WDR17: variants seen among roughly 807,000 people sequenced by gnomAD.
WDR17 encodes the protein WD repeat domain 17, also known as WD repeat-containing protein 17.
WDR17 carries 143 observed loss-of-function variants against 161.7 expected under a neutral mutation model. That is an observed-to-expected ratio of 0.88 (90% CI 0.77 to 1.02). WDR17 has a LOEUF of 1.02. Among genes scored for constraint, WDR17 ranks in the 50% least tolerant of loss-of-function variants. The probability of loss-of-function intolerance (pLI) is 0.00; values close to 1 mark genes in which losing one functional copy is unlikely to be tolerated. For missense variants in WDR17, 1,469 were observed against 1,520.9 expected, an observed-to-expected ratio of 0.97 and a Z score of 0.57; for synonymous variants, 517 against 515.6, an observed-to-expected ratio of 1.00 and a Z score of -0.04.
At chr4:176,169,129 A>T (rs566388653) in intron 23 of WDR17, among the ~76,000 whole-genome samples, 3 of 152,340 alleles carry the variant, frequency 2.0e-5, no homozygotes, top group African/African-American at 7.2e-5. Flanking sequence ...TCCAAATCCC[A>T]AGTGTTTTCC....
At chr4:176,116,882 A>C (rs1740730133) in intron 3 of WDR17, among the ~76,000 whole-genome samples, 1 of 151,924 alleles carries the variant, frequency 6.6e-6, no homozygotes, top group East Asian at 1.9e-4. Context: ...TTTCAAATTT[A>C]GGTCATTAAG....
rs1247434702 is a variant in WDR17, at chr4:176,181,071, CCTT to C, written c.*1496_*1498del. On this transcript the variant is annotated 3_prime_UTR_variant, in exon 29 of 29. Transcript: ENST00000508596. ...TGTTGCATTTAAAATATTTTTAAAA[CCTT>C]CTTAACAAAACTTCTTAAAACTGGA... The C allele has an allele frequency of 6.6e-6, 1 of 151,940 alleles. No individual in the cohort carries two copies. Among genetic ancestry groups the C allele is most frequent in the Non-Finnish European group, 1.5e-5 (1 of 67,992 alleles). 9.4% of individuals were successfully genotyped at this position (151,940 alleles called of 1,614,324 possible).
chr4:176,135,381 G>C, intron 8 of WDR17, 105 bp downstream of exon 8: 1 of 1,305,562 alleles, frequency 7.7e-7, no homozygotes, highest in Non-Finnish European at 1.1e-6. Context: ...TGTTCTAAAT[G>C]AATGTAGAGC....
At chr4:176,168,155 G>T (rs1457219160) in intron 22 of WDR17, among the ~76,000 whole-genome samples, 2 of 147,060 alleles carry the variant, frequency 1.4e-5, no homozygotes, top group Non-Finnish European at 3.0e-5. Context: ...TGCCTCAAAA[G>T]AAAAAAAAAG....
intron 24 of WDR17, among the ~76,000 whole-genome samples, chr4:176,172,950 T>C (rs1750948660): frequency 2.0e-5 from 3 of 152,044 alleles, no homozygotes; most frequent in African/African-American, 7.2e-5. Context: ...ACCTCCCTAC[T>C]CCAACATTGG....
chr4:176,136,877 A>G (rs1744502290), intron 8 of WDR17, among the ~76,000 whole-genome samples: 1 of 151,560 alleles, frequency 6.6e-6, no homozygotes, highest in Non-Finnish European at 1.5e-5. Context: ...CCTAGATAGC[A>G]GATGACAGCT....
At position 176,066,089 on chromosome 4, in the gene WDR17, CG is replaced by C. The variant is rs552596620; in HGVS notation, c.-7+12del. 406 of 152,490 alleles carry C rather than the reference CG, an allele frequency of 2.7e-3. No homozygotes were observed. The highest frequency in any genetic ancestry group is 4.9e-3 in the Non-Finnish European group (335 of 68,204). 9.4% of individuals were successfully genotyped at this position (152,490 alleles called of 1,614,324 possible). On this transcript the variant is annotated intron_variant, in intron 1 of 28. Transcript: ENST00000508596. ...CCGCCTCCTCCTCCAGGTAAGAAGC[CG>C]GTGGGGCCGCAGAGATACCAAGGCA...
At chr4:176,075,068 C>T (rs1223357605) in intron 1 of WDR17, among the ~76,000 whole-genome samples, 20 of 151,554 alleles carry the variant, frequency 1.3e-4, no homozygotes, top group Non-Finnish European at 2.1e-4. Context: ...GTCTGACATG[C>T]CTTTTAAATT....
intron 10 of WDR17, among the ~76,000 whole-genome samples, chr4:176,141,425 T>TA (rs1396569486): frequency 1.3e-5 from 2 of 152,262 alleles, no homozygotes; most frequent in East Asian, 1.9e-4. Flanking sequence ...TTCCTCAATT[T>TA]AAAAAAATTC....
At position 176,160,113 on chromosome 4, in the gene WDR17, T is replaced by G. The variant is rs374811629; in HGVS notation, c.2645T>G (p.Leu882Arg). 8.7e-6 allele frequency: 14 copies of G among 1,613,614 alleles called. No individual in the cohort carries two copies. The highest frequency in any genetic ancestry group is 1.2e-5 in the Non-Finnish European group (14 of 1,179,766). Residue 882 changes from leucine to arginine, a missense_variant, in exon 19 of 29, where the codon CTG becomes CGG. Transcript: ENST00000508596. Reference sequence around the variant, plus strand: ...TCAAGAGGTCAGCTTAAAGAAGCTCTGCTTGTTGCACAGGTAAAACCACAG... The same window carrying G: ...TCAAGAGGTCAGCTTAAAGAAGCTCGGCTTGTTGCACAGGTAAAACCACAG... Reference protein sequence around the residue: ...FMSRGQLKEALLVAQAACEGN... With the variant: ...FMSRGQLKEARLVAQAACEGN...
At chr4:176,076,935 G>GTC (rs1734123453) in intron 1 of WDR17, among the ~76,000 whole-genome samples, 1 of 152,050 alleles carries the variant, frequency 6.6e-6, no homozygotes, top group African/African-American at 2.4e-5. Flanking sequence ...AGAAATCTAT[G>GTC]TCAATGTCCT....
Position 176,111,718 on chromosome 4 carries a change from C to A in WDR17, c.123+15C>A, listed in dbSNP as rs764823917. 54 of 1,541,178 alleles carry A rather than the reference C, an allele frequency of 3.5e-5. 1 individual carries two copies. The highest frequency in any genetic ancestry group is 4.5e-5 in the Non-Finnish European group (52 of 1,145,010). ...ATATTTATCAGGTAAAATAATAATT[C>A]TTTTCCATTTTTAATTATATCCGGT... On this transcript the variant is annotated intron_variant, in intron 2 of 28. Coordinates refer to ENST00000508596, the MANE Select transcript of WDR17 (RefSeq NM_181265.4).
intron 1 of WDR17, among the ~76,000 whole-genome samples, chr4:176,080,636 G>T (rs1262483791): frequency 6.6e-6 from 1 of 152,068 alleles, no homozygotes; most frequent in Non-Finnish European, 1.5e-5. Context: ...TACTAATTTT[G>T]CTAATTAACA....
intron 3 of WDR17, among the ~76,000 whole-genome samples, 187 bp from the exon 4 acceptor site, chr4:176,119,680 C>T (rs536387747): frequency 1.9e-4 from 29 of 152,280 alleles, no homozygotes; most frequent in African/African-American, 6.3e-4. Context: ...TTTCTTTCAT[C>T]ATGGACTTTC....
At chr4:176,093,433 T>G (rs1316097715) in intron 1 of WDR17, among the ~76,000 whole-genome samples, 1 of 152,200 alleles carries the variant, frequency 6.6e-6, no homozygotes, top group Non-Finnish European at 1.5e-5. Flanking sequence ...TGCTTGACTA[T>G]TCAATGCCTG....
intron 1 of WDR17, among the ~76,000 whole-genome samples, chr4:176,082,111 G>A (rs1734823346): frequency 6.6e-6 from 1 of 151,576 alleles, no homozygotes; most frequent in African/African-American, 2.4e-5. Context: ...ACTGGCTTTA[G>A]TTCCTGGCCA....
At chr4:176,081,173 A>G (rs1034514999) in intron 1 of WDR17, among the ~76,000 whole-genome samples, 9 of 152,134 alleles carry the variant, frequency 5.9e-5, no homozygotes, top group African/African-American at 2.2e-4. Flanking sequence ...TAGTGTCAGG[A>G]TGATATTAGT....
Position 176,168,651 on chromosome 4 carries a change from C to A in WDR17, c.2991-21C>A, listed in dbSNP as rs368008031. On this transcript the variant is annotated intron_variant, in intron 22 of 28. Transcript: ENST00000508596. ...TTAAATCTTCTCCTCAATGAAGTGT[C>A]CCCTTTTGTTACGTTAACAGGAATT... 20 of 1,612,702 alleles carry A rather than the reference C, an allele frequency of 1.2e-5. No homozygotes were observed. In the Admixed American group the frequency reaches 3.3e-4, roughly 27 times the overall value.
chr4:176,121,958 G>A (rs1741658039), intron 4 of WDR17, among the ~76,000 whole-genome samples: 3 of 152,180 alleles, frequency 2.0e-5, no homozygotes, highest in Non-Finnish European at 2.9e-5. Context: ...GTCAGCATGT[G>A]TTATTTTTCT....
Sources: gnomAD v4.1 joint callset for allele counts (sites outside exome capture counted in the v4.1 genomes callset) on GRCh38, gnomAD v4.1.1 for gene constraint, MANE v1.5 for transcripts, NCBI Gene and HGNC (gene_info 2026-07-23, HGNC 2026-07-21) for gene names.